DPP6: variants seen among roughly 807,000 people sequenced by gnomAD.
DPP6 encodes A-type potassium channel modulatory protein DPP6.
A neutral mutation model predicts 122.6 loss-of-function variants in DPP6; 69 were observed. That is an observed-to-expected ratio of 0.56 (90% CI 0.46 to 0.69). The LOEUF is 0.69. Among genes scored for constraint, DPP6 ranks in the 30% least tolerant of loss-of-function variants. The pLI is 0.00. For synonymous variants in DPP6, 418 were observed against 433.1 expected (o/e 0.97, Z 0.43); for missense variants, 928 against 1,116.9 (o/e 0.83, Z 2.41).
At chr7:154,238,072 C>T (rs114667613) in intron 1 of DPP6, among the ~76,000 whole-genome samples, 1,871 of 152,254 alleles carry the variant, frequency 0.012, 39 homozygotes, top group African/African-American at 0.042. Flanking sequence ...AGATGTCTAA[C>T]GGATCCTTTT....
At chr7:154,588,237 C>G in intron 5 of DPP6, 23 of 1,350,578 alleles carry the variant, frequency 1.7e-5, no homozygotes, top group Non-Finnish European at 2.3e-5. Flanking sequence ...GGGAGGGACC[C>G]TCCACTGGTT....
chr7:154,322,653 G>A (rs1370187978), intron 1 of DPP6, among the ~76,000 whole-genome samples: 2 of 152,096 alleles, frequency 1.3e-5, no homozygotes, highest in African/African-American at 4.8e-5. Context: ...GCATCCGATA[G>A]AACAGAACAT....
chr7:153,838,161 C>T, the DPP6 span, among the ~76,000 whole-genome samples: 2 of 152,264 alleles, frequency 1.3e-5, no homozygotes, highest in East Asian at 1.9e-4. Flanking sequence ...AAACTTCATA[C>T]TGGGCATCCA....
intron 5 of DPP6, among the ~76,000 whole-genome samples, chr7:154,619,452 G>T (rs891518840): frequency 5.3e-5 from 8 of 152,214 alleles, no homozygotes; most frequent in African/African-American, 1.9e-4. Context: ...AAGAATGTTT[G>T]CTCACAAACC....
intron 1 of DPP6, among the ~76,000 whole-genome samples, chr7:153,937,641 T>C (rs1416633319): frequency 6.6e-6 from 1 of 151,884 alleles, no homozygotes; most frequent in Admixed American, 6.6e-5. Flanking sequence ...AGAGATGGGG[T>C]TTCACCATGT....
At chr7:154,466,596 G>C (rs1821807176) in intron 2 of DPP6, among the ~76,000 whole-genome samples, 1 of 152,160 alleles carries the variant, frequency 6.6e-6, no homozygotes, top group African/African-American at 2.4e-5. Flanking sequence ...TACCAGATTA[G>C]AGCTTCACCC....
At chr7:154,114,330 A>G (rs1806820953) in intron 1 of DPP6, among the ~76,000 whole-genome samples, 1 of 152,042 alleles carries the variant, frequency 6.6e-6, no homozygotes, top group Admixed American at 6.6e-5. Flanking sequence ...AAGCTTTCTG[A>G]CTCTTGGTTT....
intron 4 of DPP6, among the ~76,000 whole-genome samples, chr7:154,560,634 A>T (rs79250905): frequency 6.6e-6 from 1 of 152,188 alleles, no homozygotes; most frequent in Non-Finnish European, 1.5e-5. Context: ...CTGTAATCCC[A>T]TCACTTTGGA....
At chr7:154,862,358 G>T (rs7792301) in intron 17 of DPP6, among the ~76,000 whole-genome samples, 1 of 152,222 alleles carries the variant, frequency 6.6e-6, no homozygotes, top group African/African-American at 2.4e-5. Flanking sequence ...TGAATCCCAC[G>T]TGTCTGCACT....
rs1805531065 is a variant in DPP6, at chr7:154,098,879, A to G, written c.243+45816A>G. The stretch of plus-strand genomic sequence containing the variant: ...TGTCCACTTCTAAATGTCTGTATAA[A>G]TAAAACAAGTATCTAAACTCATTCT... On this transcript the variant is annotated intron_variant, in intron 1 of 25. Coordinates refer to ENST00000377770, the MANE Select transcript of DPP6 (RefSeq NM_130797.4). Among the ~76,000 whole-genome samples, 5 of 152,256 alleles carry G rather than the reference A, an allele frequency of 3.3e-5. No individual in the cohort carries two copies. The South Asian group carries it at 1.0e-3, about 32-fold the overall frequency.
chr7:154,061,879 G>T (rs571171820), intron 1 of DPP6, among the ~76,000 whole-genome samples: 4 of 130,772 alleles, frequency 3.1e-5, no homozygotes, highest in East Asian at 2.2e-4. Context: ...CCCCCGCGAG[G>T]CAGGGACTGA....
intron 8 of DPP6, among the ~76,000 whole-genome samples, chr7:154,766,386 C>T (rs144632218): frequency 4.6e-5 from 7 of 152,234 alleles, no homozygotes; most frequent in Non-Finnish European, 1.0e-4. Context: ...GGCAAGATCT[C>T]GGCTCACCGC....
In DPP6 at chr7:153,975,787, TGA is replaced by T. The variant is rs1796272580; in HGVS notation, c.51+88054_51+88055del. On this transcript the variant is annotated intron_variant, in intron 1 of 25. Coordinates refer to the DPP6 transcript ENST00000404039. ...GACAAAAGCAATATAGCATAGACAT[TGA>T]ATAGAGACTTTGAAGTCAAAAAGCT... is the stretch of plus-strand genomic sequence containing the variant. Among the ~76,000 whole-genome samples, 3 of 152,154 alleles carry T rather than the reference TGA, an allele frequency of 2.0e-5. No individual in the cohort carries two copies. The South Asian group carries it at 6.2e-4, about 32-fold the overall frequency.
intron 1 of DPP6, among the ~76,000 whole-genome samples, chr7:153,920,838 C>T (rs866348911): frequency 2.0e-5 from 3 of 152,038 alleles, no homozygotes; most frequent in East Asian, 1.9e-4. Flanking sequence ...GGATTACAGG[C>T]GTGAGCCACC....
At chr7:154,344,704 G>A (rs1271356924) in intron 1 of DPP6, among the ~76,000 whole-genome samples, 2 of 151,954 alleles carry the variant, frequency 1.3e-5, no homozygotes, top group Admixed American at 1.3e-4. Context: ...CACATTTTCC[G>A]GTGAGACCCC....
At chr7:153,882,888 C>T (rs540998377), upstream of DPP6, among the ~76,000 whole-genome samples, 110 of 152,190 alleles carry the variant, frequency 7.2e-4, no homozygotes, top group African/African-American at 1.3e-3. Flanking sequence ...CTGTGAAACA[C>T]GGAAGATTCC....
At chr7:154,407,279 TAA>T (rs944200658) in intron 1 of DPP6, among the ~76,000 whole-genome samples, 14 of 152,364 alleles carry the variant, frequency 9.2e-5, no homozygotes, top group Non-Finnish European at 1.9e-4. Context: ...GAACCATGTA[TAA>T]CTCTTCTGCA....
At chr7:153,975,600 G>GGT in intron 1 of DPP6, among the ~76,000 whole-genome samples, 1 of 149,712 alleles carries the variant, frequency 6.7e-6, no homozygotes, top group Non-Finnish European at 1.5e-5. Flanking sequence ...TTTTTTACTT[G>GGT]GTAGAGTAAG....
chr7:154,508,122 C>A (rs965776817), intron 3 of DPP6, among the ~76,000 whole-genome samples: 1 of 152,128 alleles, frequency 6.6e-6, no homozygotes, highest in Non-Finnish European at 1.5e-5. Flanking sequence ...CTTCCCTATC[C>A]AGGGCTTGGC....
Sources: gnomAD v4.1 joint callset for allele counts (sites outside exome capture counted in the v4.1 genomes callset) on GRCh38, gnomAD v4.1.1 for gene constraint, MANE v1.5 for transcripts, NCBI Gene and HGNC (gene_info 2026-07-23, HGNC 2026-07-21) for gene names.